The following WNK1 variants were observed in gnomAD, a reference collection of about 807,000 sequenced individuals.
The protein encoded by WNK1 is WNK lysine deficient protein kinase 1, also known as serine/threonine-protein kinase WNK1.
WNK1 carries 38 observed loss-of-function variants against 222.8 expected under a neutral mutation model. The observed-to-expected ratio is 0.17, with a 90% CI of 0.13 to 0.22. The LOEUF is 0.22. Among genes scored for constraint, WNK1 ranks in the 10% least tolerant of loss-of-function variants. WNK1 has a pLI of 1.00. For synonymous variants in WNK1, 1,090 were observed against 1,092.9 expected (o/e 1.00, Z 0.05); for missense variants, 2,348 against 2,918.4 (o/e 0.80, Z 4.50).
intron 8 of WNK1, chr12:868,434 G>A: frequency 6.2e-7 from 1 of 1,613,918 alleles, no homozygotes; most frequent in Non-Finnish European, 8.5e-7. Context: ...TTTCCATCTG[G>A]ACAGGCTTTC....
At chr12:842,481 T>C (rs1418982865) in intron 4 of WNK1, among the ~76,000 whole-genome samples, 1 of 152,114 alleles carries the variant, frequency 6.6e-6, no homozygotes, top group Admixed American at 6.5e-5. Context: ...AGGTCTGTAT[T>C]TTATTTTATT....
At chr12:834,634 T>A (rs574047992) in intron 4 of WNK1, among the ~76,000 whole-genome samples, 78 of 152,338 alleles carry the variant, frequency 5.1e-4, no homozygotes, top group African/African-American at 1.8e-3. Flanking sequence ...TCTTGAGCAA[T>A]TCACTTAATT....
In WNK1 at chr12:900,485, C is replaced by G; in HGVS notation, c.6458C>G (p.Ser2153Cys). Reference sequence around the variant, plus strand: ...CTTTATCTTTTGGCAGGTAACCTGTCTGGTCAGAGTGCAGCTTCAGTCTTG... The same window carrying G: ...CTTTATCTTTTGGCAGGTAACCTGTGTGGTCAGAGTGCAGCTTCAGTCTTG... ...NKSPQLSGNL[S>C]GQSAASVLHP... The change falls in exon 26 of 28, where the codon TCT (serine) becomes TGT (cysteine). Residue 2153 changes from serine to cysteine, a missense_variant. Transcript: ENST00000315939. 6.2e-7 allele frequency: 1 copy of G among 1,614,204 alleles called. No homozygotes were observed. Among genetic ancestry groups the G allele is most frequent in the Non-Finnish European group, 8.5e-7 (1 of 1,180,030 alleles).
intron 8 of WNK1, among the ~76,000 whole-genome samples, chr12:864,320 AG>A (rs72649803): frequency 3.9e-5 from 6 of 152,030 alleles, no homozygotes; most frequent in Non-Finnish European, 8.8e-5. Flanking sequence ...CGTGTTGGCT[AG>A]GCTGGTCTTG....
At chr12:809,043 C>A in intron 1 of WNK1, among the ~76,000 whole-genome samples, 1 of 151,882 alleles carries the variant, frequency 6.6e-6, no homozygotes, top group East Asian at 1.9e-4. Context: ...GGATTACAGG[C>A]GTGAGCCACC....
At chr12:903,218 G>A (rs1298865866) in intron 26 of WNK1, among the ~76,000 whole-genome samples, 1 of 152,178 alleles carries the variant, frequency 6.6e-6, no homozygotes, top group Non-Finnish European at 1.5e-5. Context: ...GTACTTGAGA[G>A]GCAGTCTTTA....
At chr12:813,527 G>A in intron 1 of WNK1, 115 bp from the exon 2 acceptor site, 1 of 1,099,286 alleles carries the variant, frequency 9.1e-7, no homozygotes, top group East Asian at 2.6e-5. Context: ...TTCAGCATTT[G>A]CATTTTTTAA....
chr12:816,187 T>G (rs1947321473), intron 2 of WNK1, among the ~76,000 whole-genome samples: 1 of 152,240 alleles, frequency 6.6e-6, no homozygotes, highest in African/African-American at 2.4e-5. Context: ...TGCAGAAGAC[T>G]GTGGATAAGA....
intron 1 of WNK1, among the ~76,000 whole-genome samples, chr12:802,662 A>C (rs1159680022): frequency 6.6e-6 from 1 of 152,196 alleles, no homozygotes; most frequent in African/African-American, 2.4e-5. Context: ...TTCTTCTTTG[A>C]ATAACAAAGT....
chr12:785,185 C>T (rs1944144023), intron 1 of WNK1, among the ~76,000 whole-genome samples: 1 of 152,056 alleles, frequency 6.6e-6, no homozygotes, highest in African/African-American at 2.4e-5. Flanking sequence ...GTCTTGTCCT[C>T]AGCGTTTTGA....
intron 4 of WNK1, among the ~76,000 whole-genome samples, chr12:855,395 G>A (rs144672429): frequency 1.4e-4 from 22 of 152,184 alleles, no homozygotes; most frequent in African/African-American, 5.3e-4. Context: ...TTGGGTCTTC[G>A]GAATAATACA....
At chr12:790,058 C>A (rs768823990) in intron 1 of WNK1, among the ~76,000 whole-genome samples, 1 of 152,026 alleles carries the variant, frequency 6.6e-6, no homozygotes, top group Admixed American at 6.6e-5. Context: ...AAGATAGATA[C>A]TTAAACCAAA....
chr12:791,571 A>C (rs1238832965), intron 1 of WNK1, among the ~76,000 whole-genome samples: 2 of 152,056 alleles, frequency 1.3e-5, no homozygotes, highest in Admixed American at 6.5e-5. Context: ...TAAAAAAAAA[A>C]AAACTACATT....
At chr12:831,241 A>G (rs1261039610) in intron 4 of WNK1, among the ~76,000 whole-genome samples, 1 of 152,194 alleles carries the variant, frequency 6.6e-6, no homozygotes, top group Non-Finnish European at 1.5e-5. Flanking sequence ...AGCATATAAA[A>G]GAATTCATTT....
rs1368280807 is a variant in WNK1, at chr12:885,849, T to G, written c.5045T>G (p.Leu1682Arg). 1 of 1,614,186 alleles carries G rather than the reference T, an allele frequency of 6.2e-7. No homozygotes were observed. Among genetic ancestry groups the G allele is most frequent in the Non-Finnish European group, 8.5e-7 (1 of 1,180,026 alleles). Residue 1682 changes from leucine (L) to arginine (R), a missense_variant, in exon 19 of 28, where the codon CTA (leucine) becomes CGA (arginine). Leu to Arg is a moderately radical substitution (Grantham distance 102, BLOSUM62 -2). Coordinates refer to ENST00000315939, the MANE Select transcript of WNK1 (RefSeq NM_018979.4). ...QHASVSLETSLVIESTVTPGI... is the reference protein window; with the variant it reads ...QHASVSLETSRVIESTVTPGI... Reference sequence around the variant, plus strand: ...GCCTCTGTCTCACTGGAGACCTCACTAGTCATAGAGAGCACTGTCACACCA... The same window carrying G: ...GCCTCTGTCTCACTGGAGACCTCACGAGTCATAGAGAGCACTGTCACACCA...
At position 879,825 on chromosome 12, in the gene WNK1, T is replaced by A; in HGVS notation, c.2626T>A (p.Leu876Met). 1 of 1,614,194 alleles carries A rather than the reference T, an allele frequency of 6.2e-7. No homozygotes were observed. The highest frequency in any genetic ancestry group is 8.5e-7 in the Non-Finnish European group (1 of 1,180,036). The change falls in exon 11 of 28, where the codon TTG becomes ATG. Residue 876 changes from leucine (L) to methionine (M), a missense_variant. This residue lies in a region of WNK1 where 547 missense variants were observed against 558.3 expected (regional missense o/e 0.98). Coordinates refer to ENST00000315939, the MANE Select transcript of WNK1 (RefSeq NM_018979.4). ...TGGCATTACTCAGCCTCTGCTCACG[T>A]TGGCTTCATCTGCTACAACAGCTGC... ...AAGITQPLLT[L>M]ASSATTAAIP...
Position 910,981 on chromosome 12 carries a change from A to G in WNK1, c.*2189A>G, listed in dbSNP as rs1956041669. 4.1e-6 allele frequency: 1 copy of G among 241,060 alleles called. No individual in the cohort carries two copies. The highest frequency in any genetic ancestry group is 2.2e-5 in the African/African-American group (1 of 45,056). 14.9% of individuals were successfully genotyped at this position (241,060 alleles called of 1,614,324 possible). ...GAAAGGGGCCACCCAAGAGTGAAACATACTTTATACCAGAGGAGCAGTGGA... is the reference window on the plus strand; with the variant it reads ...GAAAGGGGCCACCCAAGAGTGAAACGTACTTTATACCAGAGGAGCAGTGGA... On this transcript the variant is annotated 3_prime_UTR_variant, in exon 28 of 28. Transcript: ENST00000315939.
intron 4 of WNK1, among the ~76,000 whole-genome samples, chr12:848,256 A>G (rs1338770531): frequency 6.6e-6 from 1 of 152,186 alleles, no homozygotes; most frequent in Non-Finnish European, 1.5e-5. Context: ...CAGTGTGATT[A>G]TGAGTTAAAT....
intron 2 of WNK1, among the ~76,000 whole-genome samples, chr12:820,922 T>C (rs1398207018): frequency 1.3e-5 from 2 of 152,212 alleles, no homozygotes; most frequent in Non-Finnish European, 2.9e-5. Context: ...GTCATATTAC[T>C]GATTTTAAGG....
Sources: allele counts gnomAD v4.1 joint callset (sites outside exome capture counted in the v4.1 genomes callset), GRCh38; gene constraint gnomAD v4.1.1; regional missense constraint gnomAD v4.1.1; transcripts MANE v1.5; gene names NCBI Gene and HGNC (gene_info 2026-07-23, HGNC 2026-07-21).